STT3A: variants seen among roughly 807,000 people sequenced by gnomAD.
The protein encoded by STT3A is STT3 oligosaccharyltransferase complex catalytic subunit A, also known as dolichyl-diphosphooligosaccharide--protein glycosyltransferase subunit STT3A.
Under a neutral mutation model 89.2 loss-of-function variants are expected in STT3A, and 34 were observed. The ratio of observed to expected loss-of-function variants is 0.38; its 90% CI spans 0.29 to 0.51. The LOEUF (loss-of-function observed/expected upper bound fraction) is 0.51, where lower values mean the gene tolerates loss of function less well. Among genes scored for constraint, STT3A ranks in the 20% least tolerant of loss-of-function variants. The pLI is 0.89. For synonymous variants in STT3A, 282 were observed against 310.3 expected (o/e 0.91, Z 0.96); for missense variants, 555 against 889.5 (o/e 0.62, Z 4.78).
At position 125,602,842 on chromosome 11, in the gene STT3A, A is replaced by T; in HGVS notation, c.311A>T (p.His104Leu). ...TCTGCTGCAATCTACCATGTACTCC[A>T]TTTTTTCCACATCACCATCGACATT... is the stretch of plus-strand genomic sequence containing the variant. ...ITSAAIYHVL[H>L]FFHITIDIRN... The change falls in exon 5 of 18, where the codon CAT becomes CTT. Residue 104 changes from histidine (H) to leucine (L), a missense_variant. His to Leu is a moderately conservative substitution (Grantham distance 99). This residue lies in a region of STT3A where 129 missense variants were observed against 193.2 expected (regional missense o/e 0.67). Transcript: ENST00000392708. 2 of 1,613,854 alleles carry T rather than the reference A, an allele frequency of 1.2e-6. No individual in the cohort carries two copies. Among genetic ancestry groups the T allele is most frequent in the Non-Finnish European group, 1.7e-6 (2 of 1,179,980 alleles).
intron 10 of STT3A, chr11:125,609,805 G>C: frequency 2.1e-6 from 1 of 470,742 alleles, no homozygotes; most frequent in South Asian, 4.7e-5. Flanking sequence ...ACAGTTTTCT[G>C]TTCATTTGTC....
At chr11:125,603,818 A>G (rs1204307958) in intron 5 of STT3A, among the ~76,000 whole-genome samples, 1 of 152,130 alleles carries the variant, frequency 6.6e-6, no homozygotes, top group African/African-American at 2.4e-5. Context: ...CCAATGATGT[A>G]CAGATATTGT....
At chr11:125,615,264 CA>C (rs1312770185) in intron 15 of STT3A, among the ~76,000 whole-genome samples, 1 of 147,250 alleles carries the variant, frequency 6.8e-6, no homozygotes, top group Non-Finnish European at 1.5e-5. Context: ...GAAACTGTTT[CA>C]AAAAAAAAAG....
At position 125,614,308 on chromosome 11, in the gene STT3A, A is replaced by G; in HGVS notation, c.1672-16A>G. 1 of 1,614,104 alleles carries G rather than the reference A, an allele frequency of 6.2e-7. No homozygotes were observed. Among genetic ancestry groups the G allele is most frequent in the Non-Finnish European group, 8.5e-7 (1 of 1,179,968 alleles). ...CTTGGGATTTTGCTCTGAGAATTGTACATTTGTTTTTCCAGGCAATGGCGT... is the reference window on the plus strand; with the variant it reads ...CTTGGGATTTTGCTCTGAGAATTGTGCATTTGTTTTTCCAGGCAATGGCGT... On this transcript the variant is annotated splice_polypyrimidine_tract_variant and intron_variant, in intron 14 of 17. Transcript: ENST00000392708. This position sits in a 1 kb window ranked among gnomAD's most constrained non-coding sequence, Gnocchi z 4.9.
At position 125,613,019 on chromosome 11, in the gene STT3A, T is replaced by C; in HGVS notation, c.1396T>C (p.Phe466Leu). 6.2e-7 allele frequency: 1 copy of C among 1,614,192 alleles called. No homozygotes were observed. Among genetic ancestry groups the C allele is most frequent in the Non-Finnish European group, 8.5e-7 (1 of 1,180,028 alleles). The change falls in exon 13 of 18, where the codon TTC becomes CTC. Residue 466 changes from phenylalanine to leucine, a missense_variant. Physicochemically the swap from Phe to Leu is conservative, Grantham distance 22. This residue lies in a region of STT3A where 273 missense variants were observed against 449.8 expected (regional missense o/e 0.61). Transcript: ENST00000392708. This position sits in a 1 kb window ranked among gnomAD's most constrained non-coding sequence, Gnocchi z 4.2. Reference protein sequence around the residue: ...VASGMILVMAFFLITYTFHST... With the variant: ...VASGMILVMALFLITYTFHST... ...AAGTGGGATGATACTGGTCATGGCT[T>C]TCTTTCTCATCACCTACACCTTTCA... is the stretch of plus-strand genomic sequence containing the variant.
rs575602838 is a variant in STT3A, at chr11:125,609,889, C to G, written c.1117+300C>G. The G allele has an allele frequency of 9.5e-6, 3 of 315,570 alleles. No homozygotes were observed. The South Asian group carries it at 1.6e-4, about 17-fold the overall frequency. 19.5% of individuals were successfully genotyped at this position (315,570 alleles called of 1,614,324 possible). On this transcript the variant is annotated intron_variant, in intron 10 of 17. Coordinates refer to ENST00000392708, the MANE Select transcript of STT3A (RefSeq NM_152713.5). ...TTTTGTTTTGTTTGAGTACTTCTGTCGTACTCCTTCCCCTTTACCCTTGTT... is the reference window on the plus strand; with the variant it reads ...TTTTGTTTTGTTTGAGTACTTCTGTGGTACTCCTTCCCCTTTACCCTTGTT...
At chr11:125,609,268 A>G (rs1939928905) in intron 9 of STT3A, among the ~76,000 whole-genome samples, 166 bp from the exon 10 acceptor site, 1 of 152,214 alleles carries the variant, frequency 6.6e-6, no homozygotes, top group African/African-American at 2.4e-5. Flanking sequence ...CTCAGGTTTG[A>G]AAGAAAGGAA....
intron 2 of STT3A, 40 bp from the exon 3 acceptor site, chr11:125,597,019 G>A (rs760772350): frequency 1.2e-6 from 2 of 1,604,472 alleles, no homozygotes; most frequent in African/African-American, 2.7e-5. Context: ...TTCTTTCATG[G>A]CACATTACCA....
Position 125,608,144 on chromosome 11 carries a change from G to A in STT3A, c.816G>A (p.Gly272=). Residue 272 remains glycine, a synonymous_variant, in exon 9 of 18, where the codon GGG becomes GGA. Transcript: ENST00000392708. ...CATCAGAGCACATGGCAGCCTTTGGGGTCTTTGGTCTCTGCCAGATCCATG... is the reference window on the plus strand; with the variant it reads ...CATCAGAGCACATGGCAGCCTTTGGAGTCTTTGGTCTCTGCCAGATCCATG... ...VLSSEHMAAF[G]VFGLCQIHAF... is the part of the protein sequence containing the mutation. 6.2e-7 allele frequency: 1 copy of A among 1,613,180 alleles called. No individual in the cohort carries two copies.
intron 1 of STT3A, chr11:125,593,707 CT>C (rs1783761002): frequency 6.6e-6 from 1 of 152,178 alleles, no homozygotes; most frequent in Admixed American, 6.5e-5. Flanking sequence ...GTAGTTAGGC[CT>C]TTATTTTTAG....
chr11:125,611,467 G>A lies in STT3A; in HGVS notation c.1157G>A (p.Arg386Gln), dbSNP rs779823661. 6.8e-6 allele frequency: 11 copies of A among 1,613,906 alleles called. No individual in the cohort carries two copies. Among genetic ancestry groups the A allele is most frequent in the South Asian group, 4.4e-5 (4 of 91,070 alleles). Residue 386 changes from arginine to glutamine, a missense_variant, in exon 11 of 18, where the codon CGG (arginine) becomes CAG (glutamine). Around this residue, in one of 5 missense-constraint regions of STT3A, gnomAD observed 273 missense variants for 449.8 expected, o/e 0.61. Transcript: ENST00000392708. ...YYCFSNLSDARIFIIMYGVTS... is the reference protein window; with the variant it reads ...YYCFSNLSDAQIFIIMYGVTS... ...TGCTTTAGCAACCTGTCTGATGCCC[G>A]GATTTTTATCATCATGTATGGTGTG... is the stretch of plus-strand genomic sequence containing the variant.
At chr11:125,612,786 T>C (rs1204779284) in intron 12 of STT3A, 39 bp downstream of exon 12, 1 of 1,602,096 alleles carries the variant, frequency 6.2e-7, no homozygotes. Flanking sequence ...GGAAACTCTG[T>C]GTGTGTGTGT....
At chr11:125,616,984 A>G (rs1940198696) in intron 15 of STT3A, among the ~76,000 whole-genome samples, 1 of 152,080 alleles carries the variant, frequency 6.6e-6, no homozygotes, top group Admixed American at 6.6e-5. Context: ...AGCCATTCCT[A>G]TTATTTTCAC....
intron 6 of STT3A, among the ~76,000 whole-genome samples, chr11:125,605,023 G>A (rs1939790486): frequency 6.6e-6 from 1 of 152,150 alleles, no homozygotes; most frequent in Non-Finnish European, 1.5e-5. Context: ...GATCGCTTGA[G>A]CCTGGGAGGT....
Position 125,595,425 on chromosome 11 carries a change from G to A in STT3A, c.-35-456G>A, listed in dbSNP as rs1939461255. Reference sequence around the variant, plus strand: ...CCTCCTTAGCCTCTGAAATTGCTGGGGCTTGCACTTCTGGTCTCAATGTTT... The same window carrying A: ...CCTCCTTAGCCTCTGAAATTGCTGGAGCTTGCACTTCTGGTCTCAATGTTT... On this transcript the variant is annotated intron_variant, in intron 1 of 17. Transcript: ENST00000392708. Among the ~76,000 whole-genome samples, 3 of 152,154 alleles carry A rather than the reference G, an allele frequency of 2.0e-5. No individual in the cohort carries two copies. In the South Asian group the frequency reaches 6.2e-4, roughly 32 times the overall value.
At chr11:125,592,532 C>T, upstream of STT3A, 1 of 453,050 alleles carries the variant, frequency 2.2e-6, no homozygotes. Context: ...CAGTGGGCCG[C>T]GCCTTCCCAC....
upstream of STT3A, chr11:125,592,496 T>A (rs1425889002): frequency 2.2e-6 from 1 of 455,782 alleles, no homozygotes; most frequent in Non-Finnish European, 4.4e-6. Context: ...CAGCGTAGTT[T>A]CCGCTTCTTG....
rs79654396 is a variant in STT3A at position 125,606,085 on chromosome 11, A to G, written c.616-216A>G. 2.1e-3 allele frequency: 1,066 copies of G among 507,630 alleles called. 5 individuals are homozygous for G. The highest frequency in any genetic ancestry group is 0.018 in the African/African-American group (900 of 51,134). The allele number at this position is 507,630 out of a possible 1,614,324, so 31.4% of individuals were successfully genotyped here. On this transcript the variant is annotated intron_variant, in intron 7 of 17. Transcript: ENST00000392708. ...TTGATTTTATATTTTCTTTTTTAAA[A>G]TTTATTTTATTTTGTGTGACCTGTA... is the stretch of plus-strand genomic sequence containing the variant.
rs372799013 is a variant in STT3A at position 125,612,783 on chromosome 11, C to G, written c.1365+36C>G. ...ATGTTAAGAGTAGACTTGGGAAACTCTGTGTGTGTGTGTGTATGTGTGTAT... is the reference window on the plus strand; with the variant it reads ...ATGTTAAGAGTAGACTTGGGAAACTGTGTGTGTGTGTGTGTATGTGTGTAT... On this transcript the variant is annotated intron_variant, in intron 12 of 17. Coordinates refer to ENST00000392708, the MANE Select transcript of STT3A (RefSeq NM_152713.5). The G allele has an allele frequency of 5.2e-5, 81 of 1,565,096 alleles. No individual in the cohort carries two copies. In the African/African-American group the frequency reaches 8.2e-4, roughly 16 times the overall value.
Sources: allele counts gnomAD v4.1 joint callset (sites outside exome capture counted in the v4.1 genomes callset), GRCh38; gene constraint gnomAD v4.1.1; regional missense constraint gnomAD v4.1.1; non-coding constraint Gnocchi (gnomAD v3.1); transcripts MANE v1.5; gene names NCBI Gene and HGNC (gene_info 2026-07-23, HGNC 2026-07-21).